The following PARD3 variants were observed in gnomAD, a reference collection of about 807,000 sequenced individuals.
The protein encoded by PARD3 is par-3 family cell polarity regulator, also known as partitioning defective 3 homolog.
In PARD3, 75 loss-of-function variants were observed where a neutral mutation model predicts 155.4. That is an observed-to-expected ratio of 0.48 (90% confidence interval 0.40 to 0.58). PARD3 has a LOEUF of 0.58. PARD3 is among the 20% of genes least tolerant of loss of function. PARD3 has a pLI of 0.00. For synonymous variants in PARD3, 576 were observed against 610.5 expected (o/e 0.94, Z 0.83); for missense variants, 1,642 against 1,721.7 (o/e 0.95, Z 0.82).
intron 2 of PARD3, among the ~76,000 whole-genome samples, chr10:34,579,572 G>GTGTGTGTGCGTGTA (rs1554775634): frequency 1.3e-5 from 2 of 149,548 alleles, no homozygotes; most frequent in Admixed American, 6.6e-5. Flanking sequence ...GTGTGTGTGT[G>GTGTGTGTGCGTGTA]TGTGTGTGTG....
chr10:34,386,018 G>A (rs541338847), intron 7 of PARD3, among the ~76,000 whole-genome samples: 155 of 152,264 alleles, frequency 1.0e-3, no homozygotes, highest in Non-Finnish European at 1.6e-3. Flanking sequence ...TGATGAAACT[G>A]AAATAAATTA....
At chr10:34,441,760 T>C (rs759028143) in intron 5 of PARD3, among the ~76,000 whole-genome samples, 61 of 152,316 alleles carry the variant, frequency 4.0e-4, no homozygotes, top group Non-Finnish European at 6.5e-4. Context: ...ATGTGTCCCA[T>C]ACATATAGGG....
intron 22 of PARD3, among the ~76,000 whole-genome samples, chr10:34,254,731 C>T (rs11009700): frequency 4.4e-4 from 67 of 152,186 alleles, no homozygotes; most frequent in Middle Eastern, 6.8e-3. Context: ...GTGTGGTCTG[C>T]TATGTGATAC....
chr10:34,762,671 G>A (rs183929473), intron 1 of PARD3, among the ~76,000 whole-genome samples: 34 of 152,106 alleles, frequency 2.2e-4, no homozygotes, highest in Admixed American at 2.0e-3. Flanking sequence ...AAACTCTTAC[G>A]TTCCACAAAA....
intron 2 of PARD3, among the ~76,000 whole-genome samples, chr10:34,667,719 T>C (rs1278315568): frequency 1.3e-5 from 2 of 152,184 alleles, no homozygotes; most frequent in South Asian, 2.1e-4. Flanking sequence ...AGCCCCAAAA[T>C]TGACAGCCAG....
chr10:34,413,905 A>G, intron 5 of PARD3, among the ~76,000 whole-genome samples: 1 of 152,242 alleles, frequency 6.6e-6, no homozygotes. Flanking sequence ...TGCAAATGTC[A>G]AAGTAGTTGA....
intron 20 of PARD3, among the ~76,000 whole-genome samples, chr10:34,289,578 T>A (rs1956576493): frequency 6.6e-6 from 1 of 152,160 alleles, no homozygotes; most frequent in Non-Finnish European, 1.5e-5. Context: ...AATTGCTTAG[T>A]TGCTTAGAGG....
At chr10:34,113,836 GGTT>G (rs1271784936) in intron 24 of PARD3, among the ~76,000 whole-genome samples, 5 of 152,280 alleles carry the variant, frequency 3.3e-5, no homozygotes, top group African/African-American at 1.2e-4. Context: ...AACCCTGAAA[GGTT>G]GTGGGGAGAA....
At chr10:34,772,432 T>A (rs977662812) in intron 1 of PARD3, among the ~76,000 whole-genome samples, 1 of 152,136 alleles carries the variant, frequency 6.6e-6, no homozygotes, top group African/African-American at 2.4e-5. Flanking sequence ...TGATACCAAC[T>A]GACAATATCA....
At chr10:34,236,662 A>G (rs1409949889) in intron 22 of PARD3, among the ~76,000 whole-genome samples, 1 of 152,184 alleles carries the variant, frequency 6.6e-6, no homozygotes. Context: ...CCATGCTAGT[A>G]CTCAAGACGG....
intron 1 of PARD3, among the ~76,000 whole-genome samples, chr10:34,736,127 G>A (rs899673641): frequency 1.3e-5 from 2 of 151,984 alleles, no homozygotes; most frequent in Non-Finnish European, 2.9e-5. Flanking sequence ...CACCTCCCGG[G>A]TTCACGCCAT....
chr10:34,350,473 A>G (rs1330551180), intron 14 of PARD3, among the ~76,000 whole-genome samples: 1 of 152,134 alleles, frequency 6.6e-6, no homozygotes, highest in Admixed American at 6.5e-5. Context: ...AAATATACTA[A>G]AAATACAAAA....
intron 2 of PARD3, among the ~76,000 whole-genome samples, chr10:34,608,534 C>CTTT (rs71299715): frequency 0.097 from 12,161 of 125,262 alleles, 1,055 homozygotes; most frequent in African/African-American, 0.2. Flanking sequence ...AAAAAGAATA[C>CTTT]TTTTTTTTTT....
chr10:34,230,470 T>C (rs1952862791), intron 22 of PARD3, among the ~76,000 whole-genome samples: 1 of 152,128 alleles, frequency 6.6e-6, no homozygotes, highest in Non-Finnish European at 1.5e-5. Context: ...ACGGCCAATA[T>C]CTAGAGAAGA....
chr10:34,456,123 T>A (rs2077325847), intron 4 of PARD3, among the ~76,000 whole-genome samples: 1 of 152,166 alleles, frequency 6.6e-6, no homozygotes, highest in South Asian at 2.1e-4. Flanking sequence ...ATCCATACAT[T>A]TTTGTCAAAA....
chr10:34,412,971 T>C (rs964386679), intron 5 of PARD3, among the ~76,000 whole-genome samples: 1 of 152,092 alleles, frequency 6.6e-6, no homozygotes, highest in African/African-American at 2.4e-5. Flanking sequence ...GAGGTCACAC[T>C]GGGGGATCAG....
intron 2 of PARD3, among the ~76,000 whole-genome samples, chr10:34,601,893 G>A (rs559754187): frequency 9.9e-5 from 15 of 152,164 alleles, no homozygotes; most frequent in South Asian, 4.1e-4. Flanking sequence ...CCCCAGAAGC[G>A]GGAAAAAATT....
At chr10:34,465,083 G>A (rs1037461370) in intron 4 of PARD3, among the ~76,000 whole-genome samples, 2 of 152,244 alleles carry the variant, frequency 1.3e-5, no homozygotes, top group East Asian at 1.9e-4. Flanking sequence ...AAAATGCTTT[G>A]TGTAAATAGT....
At chr10:34,705,813 G>A (rs145430570) in intron 1 of PARD3, among the ~76,000 whole-genome samples, 198 of 152,294 alleles carry the variant, frequency 1.3e-3, no homozygotes, top group Middle Eastern at 6.8e-3. Flanking sequence ...TCCCTTGACA[G>A]GTGGATAGCT....
Sources: gnomAD v4.1 joint callset for allele counts (sites outside exome capture counted in the v4.1 genomes callset) on GRCh38, gnomAD v4.1.1 for gene constraint, MANE v1.5 for transcripts, NCBI Gene and HGNC (gene_info 2026-07-23, HGNC 2026-07-21) for gene names.